MAPK8IP1: variants seen among roughly 807,000 people sequenced by gnomAD.
MAPK8IP1 encodes mitogen-activated protein kinase 8 interacting protein 1, also known as C-Jun-amino-terminal kinase-interacting protein 1.
MAPK8IP1 carries 17 observed loss-of-function variants against 72.6 expected under a neutral mutation model. That is an observed-to-expected ratio of 0.23 (90% CI 0.16 to 0.35). MAPK8IP1 has a LOEUF of 0.35. Ranked by LOEUF, MAPK8IP1 falls within the 10% of genes least tolerant of loss-of-function variation. The pLI, the probability that MAPK8IP1 is intolerant of heterozygous loss-of-function variation, is 1.00. For synonymous variants in MAPK8IP1, 401 were observed against 443.4 expected (o/e 0.90, Z 1.20); for missense variants, 789 against 1,009.7 (o/e 0.78, Z 2.96).
intron 1 of MAPK8IP1, among the ~76,000 whole-genome samples, chr11:45,892,491 G>T (rs181394164): frequency 6.6e-6 from 1 of 151,046 alleles, no homozygotes; most frequent in African/African-American, 2.4e-5. Context: ...GGAGGCCACC[G>T]CGGGCCGCAT....
At chr11:45,893,617 G>A (rs1273893188) in intron 1 of MAPK8IP1, among the ~76,000 whole-genome samples, 1 of 151,634 alleles carries the variant, frequency 6.6e-6, no homozygotes, top group Non-Finnish European at 1.5e-5. Context: ...GTGGGCAGGG[G>A]CTGCTTCTAC....
At chr11:45,896,815 C>A (rs758265717) in intron 1 of MAPK8IP1, 332 of 1,545,304 alleles carry the variant, frequency 2.1e-4, no homozygotes, top group Middle Eastern at 6.9e-4. Context: ...CTGGCCCCCC[C>A]ACCCTTCCGG....
intron 1 of MAPK8IP1, among the ~76,000 whole-genome samples, chr11:45,892,355 A>G (rs1670932482): frequency 6.6e-6 from 1 of 152,212 alleles, no homozygotes; most frequent in Admixed American, 6.5e-5. Context: ...TTCCAAGGCA[A>G]AAATCCAGAG....
chr11:45,905,112 C>A (rs907108242), intron 10 of MAPK8IP1, 39 bp from the exon 11 acceptor site: 1 of 1,611,032 alleles, frequency 6.2e-7, no homozygotes, highest in South Asian at 1.1e-5. Context: ...GGGTGTGGGC[C>A]GAGCCCCCGT....
chr11:45,896,783 G>A (rs1044752032), intron 1 of MAPK8IP1: 1 of 1,525,736 alleles, frequency 6.6e-7, no homozygotes, highest in African/African-American at 1.4e-5. Flanking sequence ...GAGGCCAGAG[G>A]CCCCCAGCCC....
Position 45,895,619 on chromosome 11 carries a change from C to CAA in MAPK8IP1, c.102-2452_102-2451dup, listed in dbSNP as rs1256044597. ...TGGGTGACAGAGCGAAAGGCCGTCT[C>CAA]AAAAAAAAAAAAAAATATATATATA... is the stretch of plus-strand genomic sequence containing the variant. On this transcript the variant is annotated intron_variant, in intron 1 of 11. Transcript: ENST00000241014. 8.6e-4 allele frequency among the ~76,000 whole-genome samples: 27 copies of CAA among 31,220 alleles called. 1 individual carries two copies. Among genetic ancestry groups the CAA allele is most frequent in the African/African-American group, 1.1e-3 (21 of 18,592 alleles). The allele number at this position is 31,220 out of a possible 152,430, so 20.5% of individuals were successfully genotyped here.
At chr11:45,890,592 T>C (rs2086559281) in intron 1 of MAPK8IP1, among the ~76,000 whole-genome samples, 1 of 151,288 alleles carries the variant, frequency 6.6e-6, no homozygotes, top group Non-Finnish European at 1.5e-5. Flanking sequence ...AGGTTCAGGG[T>C]GTGAGGAAGA....
intron 1 of MAPK8IP1, among the ~76,000 whole-genome samples, chr11:45,888,068 C>T (rs2086541200): frequency 6.6e-6 from 1 of 152,180 alleles, no homozygotes; most frequent in South Asian, 2.1e-4. Flanking sequence ...CCAGCACTGG[C>T]CCCTGCTCAG....
intron 1 of MAPK8IP1, among the ~76,000 whole-genome samples, chr11:45,891,129 G>C (rs2086563495): frequency 6.6e-6 from 1 of 152,202 alleles, no homozygotes; most frequent in Non-Finnish European, 1.5e-5. Context: ...TTCAACCCCA[G>C]CTCGCTGATG....
chr11:45,902,136 A>G lies in MAPK8IP1; in HGVS notation c.604+75A>G. ...GTCCCCACTACAGAGAGCAAACCCT[A>G]CAGTCTCCAAAGGGCTGAGTAGAGG... On this transcript the variant is annotated intron_variant, in intron 4 of 11. Coordinates refer to ENST00000241014, the MANE Select transcript of MAPK8IP1 (RefSeq NM_005456.4). This position sits in a 1 kb window ranked among gnomAD's most constrained non-coding sequence, Gnocchi z 9.3. 7.4e-7 allele frequency: 1 copy of G among 1,345,358 alleles called. No homozygotes were observed. Among genetic ancestry groups the G allele is most frequent in the Admixed American group, 1.7e-5 (1 of 59,644 alleles). The allele number at this position is 1,345,358 out of a possible 1,614,324, so 83.3% of individuals were successfully genotyped here.
chr11:45,902,237 C>T lies in MAPK8IP1; in HGVS notation c.605-135C>T, dbSNP rs576311084. The stretch of plus-strand genomic sequence containing the variant: ...GTGGTGGCATGAGTGAGTTGACTGG[C>T]CCCAGAGCCTGCGAAGGGCCTGTTG... On this transcript the variant is annotated intron_variant, in intron 4 of 11. Transcript: ENST00000241014. The surrounding 1 kb of genome is among the most constrained non-coding windows in gnomAD (Gnocchi z 9.3). 1,144 of 979,802 alleles carry T rather than the reference C, an allele frequency of 1.2e-3. 17 individuals carry two copies. In the South Asian group the frequency reaches 0.014, roughly 12 times the overall value. 60.7% of individuals were successfully genotyped at this position (979,802 alleles called of 1,614,324 possible).
chr11:45,889,970 C>T (rs898195693), intron 1 of MAPK8IP1, among the ~76,000 whole-genome samples: 10 of 152,220 alleles, frequency 6.6e-5, no homozygotes, highest in African/African-American at 2.4e-4. Flanking sequence ...AGACAGACGG[C>T]TTTACAGATG....
intron 1 of MAPK8IP1, among the ~76,000 whole-genome samples, chr11:45,897,471 GAGA>G (rs1173045666): frequency 6.6e-6 from 1 of 152,214 alleles, no homozygotes; most frequent in African/African-American, 2.4e-5. Flanking sequence ...ACTGGATAAG[GAGA>G]AGATGTTGTG....
At position 45,905,833 on chromosome 11, in the gene MAPK8IP1, C is replaced by G. The variant is rs558664463; in HGVS notation, c.*112C>G. On this transcript the variant is annotated 3_prime_UTR_variant, in exon 12 of 12. Transcript: ENST00000241014. Reference sequence around the variant, plus strand: ...AGGGGCACCTGCCACCGCCAGAGGACAAGGAAGTGGGGGCCGCTGGCCCAG... The same window carrying G: ...AGGGGCACCTGCCACCGCCAGAGGAGAAGGAAGTGGGGGCCGCTGGCCCAG... 8.4e-5 allele frequency: 85 copies of G among 1,016,392 alleles called. No homozygotes were observed. In the Middle Eastern group the frequency reaches 9.4e-4, roughly 11 times the overall value. The allele number at this position is 1,016,392 out of a possible 1,614,324, so 63.0% of individuals were successfully genotyped here.
intron 2 of MAPK8IP1, among the ~76,000 whole-genome samples, chr11:45,899,310 G>A (rs2086631446): frequency 6.6e-6 from 1 of 152,256 alleles, no homozygotes; most frequent in African/African-American, 2.4e-5. Flanking sequence ...TTGCCTCCGA[G>A]CTAGGCAGGG....
intron 1 of MAPK8IP1, among the ~76,000 whole-genome samples, chr11:45,895,575 AT>A (rs1318087855): frequency 6.7e-6 from 1 of 149,986 alleles, no homozygotes; most frequent in African/African-American, 2.5e-5. Context: ...AGCCAAGATC[AT>A]GTCATTGCTC....
chr11:45,896,592 CAGCAGCGCAAGGG>C, intron 1 of MAPK8IP1: 1 of 1,294,264 alleles, frequency 7.7e-7, no homozygotes, highest in Admixed American at 3.2e-5. Flanking sequence ...GCCACAGCGG[CAGCAGCGCAAGGG>C]CCAGGCCAGC....
At chr11:45,899,011 A>G (rs2086629343) in intron 2 of MAPK8IP1, among the ~76,000 whole-genome samples, 1 of 152,180 alleles carries the variant, frequency 6.6e-6, no homozygotes, top group Non-Finnish European at 1.5e-5. Context: ...AGTGGTTACC[A>G]TAGGAGCGTG....
chr11:45,885,798 G>T lies in MAPK8IP1; in HGVS notation c.-23G>T. The T allele has an allele frequency of 7.6e-7, 1 of 1,317,614 alleles. No homozygotes were observed. The highest frequency in any genetic ancestry group is 9.7e-7 in the Non-Finnish European group (1 of 1,026,968). 81.6% of individuals were successfully genotyped at this position (1,317,614 alleles called of 1,614,324 possible). A position where few individuals can be genotyped will look rare whatever the true frequency, so the allele number is the denominator to read the frequency against. On this transcript the variant is annotated 5_prime_UTR_variant, in exon 1 of 12. Transcript: ENST00000241014. ...CCTCCTCCGCGCCGCGCTCCGCCCG[G>T]ATGGCCAGGGCTGTGCCCGAGAATG...
Sources: gnomAD v4.1 joint callset for allele counts (sites outside exome capture counted in the v4.1 genomes callset) on GRCh38, gnomAD v4.1.1 for gene constraint, Gnocchi (gnomAD v3.1) non-coding constraint, MANE v1.5 for transcripts, NCBI Gene and HGNC (gene_info 2026-07-23, HGNC 2026-07-21) for gene names.